C8orf89: variants seen among roughly 807,000 people sequenced by gnomAD.
The protein encoded by C8orf89 is chromosome 8 open reading frame 89.
A neutral mutation model predicts 15.8 loss-of-function variants in C8orf89; 14 were observed. The ratio of observed to expected loss-of-function variants is 0.89; its 90% confidence interval spans 0.59 to 1.39. C8orf89 has a LOEUF of 1.39. Ranked by LOEUF, C8orf89 falls within the 40% of genes most tolerant of loss-of-function variation. The pLI, the probability that C8orf89 is intolerant of heterozygous loss-of-function variation, is 0.00. For missense variants in C8orf89, 181 were observed against 184.5 expected (o/e 0.98, Z 0.11); for synonymous variants, 55 against 62.2 (o/e 0.88, Z 0.54).
chr8:73,281,413 A>C, the C8orf89 span, among the ~76,000 whole-genome samples: 1 of 152,156 alleles, frequency 6.6e-6, no homozygotes, highest in Non-Finnish European at 1.5e-5. Flanking sequence ...AAGTGAACAT[A>C]AAGAAAGATG....
At chr8:73,279,572 AT>A in the C8orf89 span, among the ~76,000 whole-genome samples, 5 of 152,074 alleles carry the variant, frequency 3.3e-5, no homozygotes, top group Non-Finnish European at 7.4e-5. Flanking sequence ...CTTGTGGTAG[AT>A]TTTATTTTTC....
the C8orf89 span, among the ~76,000 whole-genome samples, chr8:73,281,735 A>G: frequency 6.6e-6 from 1 of 152,228 alleles, no homozygotes; most frequent in African/African-American, 2.4e-5. Context: ...CAACTGTGGG[A>G]GAGAAGGTTG....
At chr8:73,277,545 G>A in the C8orf89 span, 4 of 763,066 alleles carry the variant, frequency 5.2e-6, no homozygotes, top group Admixed American at 7.3e-5. Context: ...TTCCAGAGAA[G>A]CCTCCATTCC....
In C8orf89 at chr8:73,259,389, A is replaced by T. The variant is rs1563533982; in HGVS notation, c.70T>A (p.Leu24Met). The change falls in exon 1 of 4, where the codon TTG becomes ATG. Residue 24 changes from leucine (L) to methionine (M), a missense_variant. Physicochemically the swap from Leu to Met is conservative, Grantham distance 15 (BLOSUM62 2). Coordinates refer to ENST00000624510, the MANE Select transcript of C8orf89 (RefSeq NM_001243237.3). ...KFTRSSFGSC[L>M]IFESSWKKAV... Reference sequence around the variant, plus strand: ...TTCTTCCAACTACTCTCAAAAATCAAACAACTGCCAAAGGAACTTCTGGTG... The same window carrying T: ...TTCTTCCAACTACTCTCAAAAATCATACAACTGCCAAAGGAACTTCTGGTG... 2.6e-6 allele frequency: 4 copies of T among 1,531,578 alleles called. No individual in the cohort carries two copies. The highest frequency in any genetic ancestry group is 2.4e-5 in the East Asian group (1 of 40,844). 94.9% of individuals were successfully genotyped at this position (1,531,578 alleles called of 1,614,324 possible).
intron 3 of C8orf89, among the ~76,000 whole-genome samples, chr8:73,249,251 T>G (rs1813194926): frequency 6.6e-6 from 1 of 152,234 alleles, no homozygotes; most frequent in Non-Finnish European, 1.5e-5. Flanking sequence ...GAACCAACCT[T>G]GCACTGCAGG....
intron 3 of C8orf89, among the ~76,000 whole-genome samples, chr8:73,246,824 T>G (rs1045036821): frequency 6.6e-6 from 1 of 152,212 alleles, no homozygotes; most frequent in Non-Finnish European, 1.5e-5. Flanking sequence ...TTCCATAGAC[T>G]GAGCTTGCAG....
In C8orf89 at chr8:73,257,114, G is replaced by C. The variant is rs1287437222; in HGVS notation, c.140C>G (p.Ala47Gly). The change falls in exon 2 of 4, where the codon GCA (alanine) becomes GGA (glycine). Residue 47 changes from alanine to glycine, a missense_variant. Coordinates refer to ENST00000624510, the MANE Select transcript of C8orf89 (RefSeq NM_001243237.3). ...TTCCTTGAGCTCTTCTAGACCAAATGCTGTGGTATATTCTGGTTAAAAATA... is the reference window on the plus strand; with the variant it reads ...TTCCTTGAGCTCTTCTAGACCAAATCCTGTGGTATATTCTGGTTAAAAATA... ...TQKIKKEYTTAFGLEELKECI... is the reference protein window; with the variant it reads ...TQKIKKEYTTGFGLEELKECI... 1.3e-6 allele frequency: 2 copies of C among 1,531,770 alleles called. No individual in the cohort carries two copies. The highest frequency in any genetic ancestry group is 2.7e-5 in the African/African-American group (2 of 72,800). The allele number at this position is 1,531,770 out of a possible 1,614,324, so 94.9% of individuals were successfully genotyped here. A position where few individuals can be genotyped will look rare whatever the true frequency, so the allele number is the denominator to read the frequency against.
the C8orf89 span, among the ~76,000 whole-genome samples, chr8:73,271,827 G>A: frequency 6.6e-6 from 1 of 152,098 alleles, no homozygotes; most frequent in Non-Finnish European, 1.5e-5. Flanking sequence ...CCACTCCCAT[G>A]ATTCAATTAT....
chr8:73,246,367 T>G, intron 3 of C8orf89, among the ~76,000 whole-genome samples: 1 of 151,872 alleles, frequency 6.6e-6, no homozygotes, highest in East Asian at 1.9e-4. Flanking sequence ...GTCTTTTGGG[T>G]TTTTTGTTTG....
chr8:73,283,277 A>G, the C8orf89 span, among the ~76,000 whole-genome samples: 1 of 152,350 alleles, frequency 6.6e-6, no homozygotes, highest in East Asian at 1.9e-4. Context: ...TATTAATAAC[A>G]TTACTGTAAC....
the C8orf89 span, among the ~76,000 whole-genome samples, chr8:73,268,433 C>T: frequency 1.3e-5 from 2 of 151,648 alleles, no homozygotes; most frequent in Admixed American, 6.6e-5. Flanking sequence ...GAGCCGAGAT[C>T]GCGCCACTGC....
At chr8:73,257,153 T>C (rs1813414233) in intron 1 of C8orf89, 27 bp from the exon 2 acceptor site, 1 of 1,438,336 alleles carries the variant, frequency 7.0e-7, no homozygotes, top group African/African-American at 1.4e-5. Context: ...AAGAATCATC[T>C]TGATTAAATG....
intron 2 of C8orf89, among the ~76,000 whole-genome samples, chr8:73,256,368 A>G (rs1813384160): frequency 6.6e-6 from 1 of 151,924 alleles, no homozygotes; most frequent in South Asian, 2.1e-4. Flanking sequence ...TTTTTTTCTA[A>G]TGCTAAAAAT....
chr8:73,259,406 C>T lies in C8orf89; in HGVS notation c.53G>A (p.Ser18Asn). 1.3e-6 allele frequency: 2 copies of T among 1,533,620 alleles called. No individual in the cohort carries two copies. Among genetic ancestry groups the T allele is most frequent in the Non-Finnish European group, 1.7e-6 (2 of 1,145,410 alleles). Reference sequence around the variant, plus strand: ...AAAAATCAAACAACTGCCAAAGGAACTTCTGGTGAATTTAGAAGTCTCACA... The same window carrying T: ...AAAAATCAAACAACTGCCAAAGGAATTTCTGGTGAATTTAGAAGTCTCACA... Reference protein sequence around the residue: ...IKCETSKFTRSSFGSCLIFES... With the variant: ...IKCETSKFTRNSFGSCLIFES... Residue 18 changes from serine to asparagine, a missense_variant, in exon 1 of 4, where the codon AGT (serine) becomes AAT (asparagine). Coordinates refer to ENST00000624510, the MANE Select transcript of C8orf89 (RefSeq NM_001243237.3).
upstream of C8orf89, among the ~76,000 whole-genome samples, chr8:73,260,558 G>A (rs574836008): frequency 1.3e-5 from 2 of 152,228 alleles, no homozygotes; most frequent in East Asian, 3.9e-4. Flanking sequence ...GAAAGAAAAC[G>A]GATAATACAG....
At chr8:73,265,795 G>A in the C8orf89 span, among the ~76,000 whole-genome samples, 8 of 152,256 alleles carry the variant, frequency 5.3e-5, 1 homozygote, top group South Asian at 8.3e-4. Flanking sequence ...AACTAGCCAC[G>A]TTTTCCAACT....
At position 73,242,786 on chromosome 8, in the gene C8orf89, C is replaced by T. The variant is rs1813033530; in HGVS notation, c.338-1181G>A. The stretch of plus-strand genomic sequence containing the variant: ...CCAAAAATGGAGCTACCATATGGTC[C>T]AGGAATCCCATTGCTAGACATATAC... On this transcript the variant is annotated intron_variant, in intron 3 of 3. Coordinates refer to ENST00000624510, the MANE Select transcript of C8orf89 (RefSeq NM_001243237.3). Among the ~76,000 whole-genome samples, 2 of 152,120 alleles carry T rather than the reference C, an allele frequency of 1.3e-5. 1 individual carries two copies. Among genetic ancestry groups the T allele is most frequent in the South Asian group, 4.1e-4 (2 of 4,824 alleles).
At chr8:73,283,377 G>A in the C8orf89 span, among the ~76,000 whole-genome samples, 1 of 152,196 alleles carries the variant, frequency 6.6e-6, no homozygotes, top group African/African-American at 2.4e-5. Flanking sequence ...ACCCTGCAAA[G>A]AACCCAGGAA....
chr8:73,246,976 T>C (rs536246170), intron 3 of C8orf89, among the ~76,000 whole-genome samples: 20 of 152,316 alleles, frequency 1.3e-4, no homozygotes, highest in African/African-American at 4.6e-4. Flanking sequence ...TATGAGTGTA[T>C]TAGAGGAAGA....
Sources: allele counts gnomAD v4.1 joint callset (sites outside exome capture counted in the v4.1 genomes callset), GRCh38; gene constraint gnomAD v4.1.1; transcripts MANE v1.5; gene names NCBI Gene and HGNC (gene_info 2026-07-23, HGNC 2026-07-21).